The following PRKAR1A variants were observed in gnomAD, a reference collection of about 807,000 sequenced individuals.
The protein encoded by PRKAR1A is protein kinase cAMP-dependent type I regulatory subunit alpha.
Under a neutral mutation model 52.0 loss-of-function variants are expected in PRKAR1A, and 3 were observed. The observed-to-expected ratio is 0.06, with a 90% confidence interval of 0.03 to 0.15. The LOEUF is 0.15. PRKAR1A is among the 10% of genes least tolerant of loss of function. The pLI is 1.00. For synonymous variants in PRKAR1A, 188 were observed against 168.4 expected (o/e 1.12, Z -0.90); for missense variants, 240 against 477.4 (o/e 0.50, Z 4.63).
At chr17:68,545,700 A>G in intron 11 of PRKAR1A, among the ~76,000 whole-genome samples, 1 of 152,184 alleles carries the variant, frequency 6.6e-6, no homozygotes, top group East Asian at 1.9e-4. Context: ...CATTTTACCC[A>G]AAGTAGAACT....
chr17:68,480,069 G>A, the PRKAR1A span, among the ~76,000 whole-genome samples: 1 of 152,132 alleles, frequency 6.6e-6, no homozygotes, highest in Non-Finnish European at 1.5e-5. Context: ...AACTCAAGAT[G>A]AGATTTGGGT....
At chr17:68,419,614 A>G in the PRKAR1A span, among the ~76,000 whole-genome samples, 17 of 152,112 alleles carry the variant, frequency 1.1e-4, 1 homozygote. Flanking sequence ...GTCAATAAAG[A>G]TACTTGAATG....
the PRKAR1A span, among the ~76,000 whole-genome samples, chr17:68,483,676 A>T: frequency 7.9e-5 from 12 of 152,222 alleles, no homozygotes; most frequent in African/African-American, 2.6e-4. Context: ...AGCCTGACCA[A>T]CATGGAGAAA....
At chr17:68,417,733 A>ATTTTTTTTTTT in the PRKAR1A span, among the ~76,000 whole-genome samples, 118 of 60,828 alleles carry the variant, frequency 1.9e-3, 22 homozygotes, top group Non-Finnish European at 2.2e-3. Context: ...GAGTTGCTGA[A>ATTTTTTTTTTT]TTTTTTTTTT....
chr17:68,502,183 G>T, the PRKAR1A span, among the ~76,000 whole-genome samples: 2 of 151,996 alleles, frequency 1.3e-5, no homozygotes, highest in Non-Finnish European at 2.9e-5. Context: ...GATAAAGTGT[G>T]CACTTGGTCA....
intron 7 of PRKAR1A, among the ~76,000 whole-genome samples, chr17:68,526,768 G>A (rs1018787115): frequency 3.9e-5 from 6 of 152,176 alleles, no homozygotes; most frequent in African/African-American, 1.4e-4. Flanking sequence ...GCCTACTTGA[G>A]GGTGGAGGGT....
At chr17:68,543,591 C>T (rs759648622) in intron 11 of PRKAR1A, 3 of 1,585,638 alleles carry the variant, frequency 1.9e-6, no homozygotes, top group African/African-American at 1.3e-5. Flanking sequence ...AGGATTGGTC[C>T]TTATAGGCAA....
intron 2 of PRKAR1A, among the ~76,000 whole-genome samples, chr17:68,517,021 G>A (rs1363387206): frequency 6.6e-6 from 1 of 152,202 alleles, no homozygotes; most frequent in Non-Finnish European, 1.5e-5. Flanking sequence ...TGTTGAATGT[G>A]TGATGCTAGT....
chr17:68,512,739 C>T (rs1363307048), intron 1 of PRKAR1A, 191 bp downstream of exon 1: 1 of 152,230 alleles, frequency 6.6e-6, no homozygotes, highest in Non-Finnish European at 1.5e-5. Context: ...AGTCTGCATC[C>T]TCAAGGCCGT....
chr17:68,440,464 G>A, the PRKAR1A span, among the ~76,000 whole-genome samples: 2 of 152,116 alleles, frequency 1.3e-5, no homozygotes, highest in African/African-American at 4.8e-5. Context: ...AAAAGTGATG[G>A]TGTAGAACAT....
At chr17:68,506,710 C>T in the PRKAR1A span, among the ~76,000 whole-genome samples, 30,943 of 151,960 alleles carry the variant, frequency 0.2, 3,555 homozygotes, top group East Asian at 0.49. Flanking sequence ...TCTCAAACTC[C>T]TGACCTCGTG....
the PRKAR1A span, among the ~76,000 whole-genome samples, chr17:68,455,571 C>G: frequency 1.3e-5 from 2 of 152,122 alleles, no homozygotes; most frequent in African/African-American, 2.4e-5. Flanking sequence ...AATCCAATGT[C>G]ATACCCTCTG....
the PRKAR1A span, among the ~76,000 whole-genome samples, chr17:68,449,656 G>A: frequency 2.0e-5 from 3 of 152,146 alleles, no homozygotes; most frequent in Non-Finnish European, 2.9e-5. Flanking sequence ...CACGTAAGAC[G>A]CCTGCTCCCG....
At chr17:68,522,966 A>G in intron 3 of PRKAR1A, 40 bp downstream of exon 3, 2 of 1,609,082 alleles carry the variant, frequency 1.2e-6, no homozygotes, top group Non-Finnish European at 1.7e-6. Context: ...TGCTTTTGGG[A>G]CCCACTTGGT....
chr17:68,537,371 G>T, downstream of PRKAR1A: 1 of 1,432,442 alleles, frequency 7.0e-7, no homozygotes, highest in South Asian at 1.2e-5. This position sits in a 1 kb window ranked among gnomAD's most constrained non-coding sequence, Gnocchi z 4.2. Flanking sequence ...CTTCCTAGCT[G>T]ACTTGACTCC....
intron 7 of PRKAR1A, among the ~76,000 whole-genome samples, chr17:68,527,365 G>T (rs1008692014): frequency 1.1e-4 from 17 of 152,160 alleles, no homozygotes; most frequent in Admixed American, 5.9e-4. Context: ...TGAACAGGAA[G>T]AACACTAGGA....
At chr17:68,483,288 C>T in the PRKAR1A span, among the ~76,000 whole-genome samples, 1 of 152,112 alleles carries the variant, frequency 6.6e-6, no homozygotes, top group South Asian at 2.1e-4. Flanking sequence ...CAAGACCACC[C>T]TGGCCATTAT....
At chr17:68,535,982 A>G, downstream of PRKAR1A, 1 of 454,082 alleles carries the variant, frequency 2.2e-6, no homozygotes, top group Non-Finnish European at 4.4e-6. Context: ...TGGGGGTTGT[A>G]TCTGTGTTTG....
At chr17:68,425,309 T>G in the PRKAR1A span, among the ~76,000 whole-genome samples, 28 of 151,790 alleles carry the variant, frequency 1.8e-4, no homozygotes, top group South Asian at 8.3e-4. Flanking sequence ...GCTCAGGTGA[T>G]CCTCCCATCT....
Sources: gnomAD v4.1 joint callset for allele counts (sites outside exome capture counted in the v4.1 genomes callset) on GRCh38, gnomAD v4.1.1 for gene constraint, Gnocchi (gnomAD v3.1) non-coding constraint, MANE v1.5 for transcripts, NCBI Gene and HGNC (gene_info 2026-07-23, HGNC 2026-07-21) for gene names.